Variants in LAMA3 observed in about 807,000 individuals in gnomAD.
LAMA3 encodes the protein laminin subunit alpha 3, also known as laminin subunit alpha-3.
LAMA3 carries 281 observed loss-of-function variants against 402.0 expected under a neutral mutation model. The observed-to-expected ratio is 0.70, with a 90% CI of 0.63 to 0.77. The LOEUF (loss-of-function observed/expected upper bound fraction) is 0.77, where lower values mean the gene tolerates loss of function less well. LAMA3 is among the 30% of genes least tolerant of loss of function. LAMA3 has a pLI of 0.00. For missense variants in LAMA3, 3,840 were observed against 4,215.5 expected, an observed-to-expected ratio of 0.91 and a Z score of 2.47; for synonymous variants, 1,431 against 1,558.4, an observed-to-expected ratio of 0.92 and a Z score of 1.93.
At chr18:23,883,045 A>G (rs2064954000) in intron 40 of LAMA3, among the ~76,000 whole-genome samples, 1 of 152,246 alleles carries the variant, frequency 6.6e-6, no homozygotes, top group African/African-American at 2.4e-5. Context: ...GACAAGGATG[A>G]AACAGAAGGA....
chr18:23,753,697 C>T (rs1173987780), intron 5 of LAMA3, 24 bp from the exon 6 acceptor site: 2 of 1,583,010 alleles, frequency 1.3e-6, no homozygotes, highest in South Asian at 1.1e-5. Flanking sequence ...GTGAAACTTG[C>T]ATGTTCTGTG....
At chr18:23,847,779 T>A in intron 32 of LAMA3, 111 bp downstream of exon 32, 1 of 1,127,276 alleles carries the variant, frequency 8.9e-7, no homozygotes, top group South Asian at 1.3e-5. Context: ...GGGTGCCCTG[T>A]GTTGACCTCG....
chr18:23,889,670 GAGGGAGGAAGGAAGGAAGGAAGGA>G (rs2080576973), intron 41 of LAMA3, among the ~76,000 whole-genome samples: 4 of 94,586 alleles, frequency 4.2e-5, no homozygotes, highest in Admixed American at 2.4e-4. Context: ...AGGGAGGGGG[GAGGGAGGAAGGAAGGAAGGAAGGA>G]AGGGAGGGAG....
intron 68 of LAMA3, 118 bp downstream of exon 68, chr18:23,939,504 A>T: frequency 9.1e-7 from 1 of 1,101,118 alleles, no homozygotes; most frequent in East Asian, 2.4e-5. Flanking sequence ...TGGCACTACC[A>T]TTTTTGTGCA....
chr18:23,906,349 A>G (rs1169605705), intron 52 of LAMA3, among the ~76,000 whole-genome samples: 1 of 152,224 alleles, frequency 6.6e-6, no homozygotes, highest in African/African-American at 2.4e-5. Flanking sequence ...TTTGCAACTA[A>G]AAGTCCCCAA....
chr18:23,897,904 T>C (rs1846763365), intron 44 of LAMA3, among the ~76,000 whole-genome samples: 1 of 152,120 alleles, frequency 6.6e-6, no homozygotes, highest in Admixed American at 6.5e-5. Context: ...AATCCCCAAT[T>C]TACTAATGGA....
Position 23,815,583 on chromosome 18 carries a change from TC to T in LAMA3, c.2047+12del. 1 of 1,559,998 alleles carries T rather than the reference TC, an allele frequency of 6.4e-7. No individual in the cohort carries two copies. The highest frequency in any genetic ancestry group is 8.8e-7 in the Non-Finnish European group (1 of 1,130,710). ...TACTTTGGGTGTCAAGGTAAATAAG[TC>T]CATTGGGCCCTGAGCAAAGCACAGT... is the stretch of plus-strand genomic sequence containing the variant. On this transcript the variant is annotated intron_variant, in intron 17 of 74. Transcript: ENST00000313654.
chr18:23,857,754 C>T, intron 32 of LAMA3, 90 bp from the exon 33 acceptor site: 2 of 1,527,128 alleles, frequency 1.3e-6, no homozygotes, highest in Non-Finnish European at 1.8e-6. Flanking sequence ...ACTGGCTTTG[C>T]ACACCAATTA....
intron 68 of LAMA3, among the ~76,000 whole-genome samples, chr18:23,939,998 G>A (rs760862150): frequency 6.6e-6 from 1 of 152,236 alleles, no homozygotes; most frequent in African/African-American, 2.4e-5. Context: ...GCTAAAAGGA[G>A]CTGGCTCTAA....
In LAMA3 at chr18:23,845,047, C is replaced by T. The variant is rs2063783199; in HGVS notation, c.3642C>T (p.Tyr1214=). Residue 1214 remains tyrosine, a synonymous_variant, in exon 30 of 75, where the codon TAC becomes TAT. Transcript: ENST00000313654. ...TGGTGCCTGCAGAAAACTATGACTA[C>T]CAAATACTTCACAAAAAATCCATGG... is the stretch of plus-strand genomic sequence containing the variant. ...VLVVPAENYD[Y]QILHKKSMDK... 6.2e-7 allele frequency: 1 copy of T among 1,612,720 alleles called. No individual in the cohort carries two copies. Among genetic ancestry groups the T allele is most frequent in the Non-Finnish European group, 8.5e-7 (1 of 1,178,682 alleles).
At chr18:23,725,044 C>T (rs906404406) in intron 2 of LAMA3, among the ~76,000 whole-genome samples, 1 of 152,144 alleles carries the variant, frequency 6.6e-6, no homozygotes, top group Admixed American at 6.5e-5. Context: ...CATCGCATTT[C>T]CTTACTTTAG....
At chr18:23,903,839 C>T in intron 49 of LAMA3, 94 bp from the exon 50 acceptor site, 1 of 1,038,158 alleles carries the variant, frequency 9.6e-7, no homozygotes, top group East Asian at 2.4e-5. Flanking sequence ...TCATTGTTGC[C>T]CCAGAAACAC....
At chr18:23,921,083 T>A in intron 61 of LAMA3, 29 bp downstream of exon 61, 1 of 1,612,034 alleles carries the variant, frequency 6.2e-7, no homozygotes, top group Non-Finnish European at 8.5e-7. Context: ...TTTACTTGAA[T>A]CGTTAAATGT....
At chr18:23,919,068 TATA>T (rs1406932689) in intron 60 of LAMA3, among the ~76,000 whole-genome samples, 1 of 152,214 alleles carries the variant, frequency 6.6e-6, no homozygotes, top group East Asian at 1.9e-4. Flanking sequence ...ATACTACTCA[TATA>T]ATAAGAAAAC....
intron 26 of LAMA3, 91 bp downstream of exon 26, chr18:23,838,969 G>T: frequency 1.2e-6 from 1 of 825,266 alleles, no homozygotes; most frequent in South Asian, 1.4e-5. Context: ...CGTCAGAAAT[G>T]ATCATAAGCC....
rs570469445 is a variant in LAMA3, at chr18:23,930,123, C to G, written c.8437-939C>G. 2.0e-5 allele frequency among the ~76,000 whole-genome samples: 3 copies of G among 152,246 alleles called. No individual in the cohort carries two copies. In the East Asian group the frequency reaches 5.8e-4, roughly 29 times the overall value. On this transcript the variant is annotated intron_variant, in intron 64 of 74. Coordinates refer to ENST00000313654, the MANE Select transcript of LAMA3 (RefSeq NM_198129.4). ...TTAGACTGAAATCTTACCAAAGAATCACATCTTGTTGAAAACTGCAGAAAT... is the reference window on the plus strand; with the variant it reads ...TTAGACTGAAATCTTACCAAAGAATGACATCTTGTTGAAAACTGCAGAAAT...
At chr18:23,945,251 A>C (rs1352179308) in intron 69 of LAMA3, among the ~76,000 whole-genome samples, 1 of 152,238 alleles carries the variant, frequency 6.6e-6, no homozygotes, top group Non-Finnish European at 1.5e-5. Flanking sequence ...CATGGCTGCT[A>C]TTGCCTTTGC....
chr18:23,834,000 C>A lies in LAMA3; in HGVS notation c.2984+12C>A. On this transcript the variant is annotated intron_variant, in intron 24 of 74. Coordinates refer to ENST00000313654, the MANE Select transcript of LAMA3 (RefSeq NM_198129.4). ...AGCTGCAACTACAGGTACTCAGCCC[C>A]ACCAAGGGAATTCCTCTGTAAAGGA... 1 of 1,614,132 alleles carries A rather than the reference C, an allele frequency of 6.2e-7. No individual in the cohort carries two copies. Among genetic ancestry groups the A allele is most frequent in the South Asian group, 1.1e-5 (1 of 91,076 alleles).
At chr18:23,852,513 T>C (rs1208008530) in intron 32 of LAMA3, among the ~76,000 whole-genome samples, 1 of 152,232 alleles carries the variant, frequency 6.6e-6, no homozygotes, top group Non-Finnish European at 1.5e-5. Context: ...ATTTTGTATG[T>C]GTTTTGTTGC....
Sources: gnomAD v4.1 joint callset for allele counts (sites outside exome capture counted in the v4.1 genomes callset) on GRCh38, gnomAD v4.1.1 for gene constraint, MANE v1.5 for transcripts, NCBI Gene and HGNC (gene_info 2026-07-23, HGNC 2026-07-21) for gene names.